Variants in HDAC4 observed in about 807,000 individuals in gnomAD.
The protein encoded by HDAC4 is histone deacetylase 4.
HDAC4 carries 16 observed loss-of-function variants against 135.1 expected under a neutral mutation model. The ratio of observed to expected loss-of-function variants is 0.12; its 90% CI spans 0.08 to 0.18. HDAC4 has a LOEUF of 0.18. HDAC4 is among the 10% of genes least tolerant of loss of function. The pLI, the probability that HDAC4 is intolerant of heterozygous loss-of-function variation, is 1.00. For missense variants in HDAC4, 1,143 were observed against 1,511.8 expected, an observed-to-expected ratio of 0.76 and a Z score of 4.05; for synonymous variants, 685 against 653.4, an observed-to-expected ratio of 1.05 and a Z score of -0.74.
At chr2:239,081,071 G>T (rs199855807) in intron 22 of HDAC4, 24 bp downstream of exon 22, 5 of 1,556,110 alleles carry the variant, frequency 3.2e-6, no homozygotes, top group Non-Finnish European at 4.4e-6. Flanking sequence ...TACTTCAGGT[G>T]TCATGTGAAG....
At chr2:239,229,134 A>T (rs1319557471) in intron 3 of HDAC4, among the ~76,000 whole-genome samples, 1 of 152,188 alleles carries the variant, frequency 6.6e-6, no homozygotes, top group Non-Finnish European at 1.5e-5. Context: ...CAGTCAACAC[A>T]GTGAGACTCT....
intron 2 of HDAC4, among the ~76,000 whole-genome samples, chr2:239,350,471 T>C (rs966817237): frequency 2.0e-5 from 3 of 152,082 alleles, no homozygotes; most frequent in Non-Finnish European, 4.4e-5. Context: ...AAAGGATACA[T>C]ATCCTCCTAT....
intron 2 of HDAC4, among the ~76,000 whole-genome samples, chr2:239,291,567 G>A (rs1341316614): frequency 6.6e-6 from 1 of 152,246 alleles, no homozygotes; most frequent in Non-Finnish European, 1.5e-5. Flanking sequence ...GTGTCAATGC[G>A]CAGCAACCCA....
chr2:239,287,368 G>A (rs1216107622), intron 2 of HDAC4, among the ~76,000 whole-genome samples: 4 of 152,164 alleles, frequency 2.6e-5, no homozygotes, highest in African/African-American at 7.2e-5. Flanking sequence ...ATCAGAATTT[G>A]TTTGATGTCA....
intron 22 of HDAC4, among the ~76,000 whole-genome samples, chr2:239,072,301 T>C (rs2034278897): frequency 6.6e-6 from 1 of 152,198 alleles, no homozygotes; most frequent in African/African-American, 2.4e-5. Flanking sequence ...TTTTTCAAAA[T>C]ATGCATTTTC....
At chr2:239,360,635 G>A (rs1693800332) in intron 1 of HDAC4, among the ~76,000 whole-genome samples, 1 of 152,214 alleles carries the variant, frequency 6.6e-6, no homozygotes. Context: ...AGGAAGCGGG[G>A]GCACCCGAGC....
At chr2:239,147,890 A>G (rs138756130) in intron 7 of HDAC4, among the ~76,000 whole-genome samples, 25 of 152,320 alleles carry the variant, frequency 1.6e-4, no homozygotes, top group African/African-American at 6.0e-4. Flanking sequence ...GCCAGAAGCA[A>G]TTCTGATGGA....
intron 11 of HDAC4, among the ~76,000 whole-genome samples, chr2:239,129,646 G>A (rs1239379111): frequency 6.6e-6 from 1 of 152,232 alleles, no homozygotes; most frequent in South Asian, 2.1e-4. Context: ...GTGCTGGACG[G>A]CTGTGTCCCT....
chr2:239,327,870 G>A (rs1057199706), intron 2 of HDAC4, among the ~76,000 whole-genome samples: 1 of 152,222 alleles, frequency 6.6e-6, no homozygotes, highest in East Asian at 1.9e-4. Flanking sequence ...ACATCCAGCA[G>A]AGGCCCCTGG....
chr2:239,274,354 T>A (rs1173644180), intron 2 of HDAC4, among the ~76,000 whole-genome samples: 1 of 152,086 alleles, frequency 6.6e-6, no homozygotes, highest in Non-Finnish European at 1.5e-5. Flanking sequence ...AAGAGTCACA[T>A]ATAAACACAC....
At chr2:239,276,210 C>T (rs2050352270) in intron 2 of HDAC4, among the ~76,000 whole-genome samples, 1 of 152,234 alleles carries the variant, frequency 6.6e-6, no homozygotes, top group African/African-American at 2.4e-5. Flanking sequence ...AGCAGCTGCA[C>T]CAGTCTTACA....
chr2:239,194,167 C>T (rs2045208173), intron 3 of HDAC4, among the ~76,000 whole-genome samples: 2 of 152,160 alleles, frequency 1.3e-5, no homozygotes, highest in Admixed American at 6.5e-5. Flanking sequence ...ACAGGCAGCG[C>T]CCTCTGAAGG....
Position 239,352,576 on chromosome 2 carries a change from C to A in HDAC4, c.22+102G>T. ...CAACAGTGACCACTATCAAGAAAAA[C>A]AAAAGTCTCAAATCCAGAAAGCAAG... is the stretch of plus-strand genomic sequence containing the variant. On this transcript the variant is annotated intron_variant, in intron 2 of 26. Transcript: ENST00000543185. The surrounding 1 kb of genome is among the most constrained non-coding windows in gnomAD (Gnocchi z 4.4). 1 of 1,177,386 alleles carries A rather than the reference C, an allele frequency of 8.5e-7. No homozygotes were observed. Among genetic ancestry groups the A allele is most frequent in the Non-Finnish European group, 1.2e-6 (1 of 806,720 alleles). 72.9% of individuals were successfully genotyped at this position (1,177,386 alleles called of 1,614,324 possible).
chr2:239,362,861 G>C (rs894620388), intron 1 of HDAC4, among the ~76,000 whole-genome samples: 9 of 152,184 alleles, frequency 5.9e-5, no homozygotes, highest in South Asian at 2.1e-4. Context: ...AAAGGAAAAT[G>C]TCACTATTCA....
At chr2:239,256,945 TAAG>T (rs1227078569) in intron 2 of HDAC4, among the ~76,000 whole-genome samples, 1 of 152,224 alleles carries the variant, frequency 6.6e-6, no homozygotes, top group African/African-American at 2.4e-5. Flanking sequence ...TGGGATAGCC[TAAG>T]AAGACAGAAG....
chr2:239,343,358 A>C (rs972742001), intron 2 of HDAC4, among the ~76,000 whole-genome samples: 14 of 152,356 alleles, frequency 9.2e-5, no homozygotes, highest in African/African-American at 3.4e-4. Flanking sequence ...TCACTCCTTC[A>C]GTCCCAACAT....
chr2:239,108,259 G>C, intron 14 of HDAC4, 76 bp from the exon 15 acceptor site: 1 of 1,528,406 alleles, frequency 6.5e-7, no homozygotes, highest in Non-Finnish European at 8.9e-7. Flanking sequence ...GCTGCCCCCG[G>C]GTGGTGGCGG....
chr2:239,095,892 C>G (rs1252987182), intron 16 of HDAC4, among the ~76,000 whole-genome samples: 4 of 152,198 alleles, frequency 2.6e-5, no homozygotes, highest in Non-Finnish European at 5.9e-5. Context: ...CTCTCCGCAG[C>G]CCCCGGCCCC....
intron 1 of HDAC4, among the ~76,000 whole-genome samples, chr2:239,358,025 G>T (rs1368106805): frequency 4.0e-5 from 6 of 151,794 alleles, no homozygotes; most frequent in Non-Finnish European, 8.8e-5. Context: ...ATAAACAAGT[G>T]CCTTGAAAAG....
Sources: allele counts gnomAD v4.1 joint callset (sites outside exome capture counted in the v4.1 genomes callset), GRCh38; gene constraint gnomAD v4.1.1; non-coding constraint Gnocchi (gnomAD v3.1); transcripts MANE v1.5; gene names NCBI Gene and HGNC (gene_info 2026-07-23, HGNC 2026-07-21).